SND1: variants seen among roughly 807,000 people sequenced by gnomAD.
SND1 encodes staphylococcal nuclease and tudor domain containing 1.
A neutral mutation model predicts 121.7 loss-of-function variants in SND1; 38 were observed. The observed-to-expected ratio is 0.31, with a 90% CI of 0.24 to 0.41. The LOEUF is 0.41. SND1 is among the 10% of genes least tolerant of loss of function. The pLI, the probability that SND1 is intolerant of heterozygous loss-of-function variation, is 1.00. For synonymous variants in SND1, 401 were observed against 447.4 expected, an observed-to-expected ratio of 0.90 and a Z score of 1.31; for missense variants, 868 against 1,184.6, an observed-to-expected ratio of 0.73 and a Z score of 3.92.
chr7:127,904,611 A>G (rs1050073393), intron 13 of SND1, 136 bp from the exon 14 acceptor site: 5 of 584,080 alleles, frequency 8.6e-6, no homozygotes, highest in African/African-American at 7.4e-5. Flanking sequence ...CTGGCTACTC[A>G]GCAGTGTACA....
chr7:127,885,278 G>A (rs936454341), intron 12 of SND1, among the ~76,000 whole-genome samples: 9 of 152,114 alleles, frequency 5.9e-5, no homozygotes, highest in Non-Finnish European at 1.0e-4. Flanking sequence ...CCACCAAGAA[G>A]AGAACACATG....
At chr7:127,983,410 T>A (rs1358427779) in intron 15 of SND1, among the ~76,000 whole-genome samples, 1 of 152,152 alleles carries the variant, frequency 6.6e-6, no homozygotes, top group African/African-American at 2.4e-5. Flanking sequence ...TAGTTTCCTA[T>A]CTGGAAAACT....
rs1449700930 is a variant in SND1 at position 128,052,930 on chromosome 7, A to C, written c.1780-21572A>C. On this transcript the variant is annotated intron_variant, in intron 16 of 23. Coordinates refer to ENST00000354725, the MANE Select transcript of SND1 (RefSeq NM_014390.4). The surrounding 1 kb of genome is among the most constrained non-coding windows in gnomAD (Gnocchi z 4.6). The stretch of plus-strand genomic sequence containing the variant: ...TGGTACCTACTGTATGGATAGTGCA[A>C]GTCTAGAACACACAAGAATTGGCAT... 1.3e-5 allele frequency among the ~76,000 whole-genome samples: 2 copies of C among 152,252 alleles called. No individual in the cohort carries two copies. Among genetic ancestry groups the C allele is most frequent in the Non-Finnish European group, 2.9e-5 (2 of 68,040 alleles).
At chr7:127,816,708 G>T (rs972172631) in intron 11 of SND1, among the ~76,000 whole-genome samples, 1 of 145,294 alleles carries the variant, frequency 6.9e-6, no homozygotes, top group African/African-American at 2.6e-5. Flanking sequence ...CTGTCACCCA[G>T]GCTGGAGTGC....
At chr7:127,924,333 C>G (rs549774080) in intron 14 of SND1, among the ~76,000 whole-genome samples, 1 of 152,246 alleles carries the variant, frequency 6.6e-6, no homozygotes, top group African/African-American at 2.4e-5. Context: ...AGAACTAATT[C>G]GTGATCTTCA....
Position 128,043,609 on chromosome 7 carries a change from A to G in SND1, c.1780-30893A>G, listed in dbSNP as rs561268347. On this transcript the variant is annotated intron_variant, in intron 16 of 23. Coordinates refer to ENST00000354725, the MANE Select transcript of SND1 (RefSeq NM_014390.4). The stretch of plus-strand genomic sequence containing the variant: ...TTTATATATATATATAAATTTATAT[A>G]TCTGAAATATATGAATGGTGGTGCT... 1.2e-3 allele frequency among the ~76,000 whole-genome samples: 188 copies of G among 150,878 alleles called. 1 individual carries two copies. Among genetic ancestry groups the G allele is most frequent in the Admixed American group, 0.012 (182 of 15,128 alleles).
chr7:128,064,057 G>A (rs1793274283), intron 16 of SND1, among the ~76,000 whole-genome samples: 1 of 151,938 alleles, frequency 6.6e-6, no homozygotes, highest in Non-Finnish European at 1.5e-5. Flanking sequence ...TTTTTTTTAA[G>A]TAACAACATT....
At chr7:127,988,850 C>G (rs995377352) in intron 15 of SND1, among the ~76,000 whole-genome samples, 1 of 152,238 alleles carries the variant, frequency 6.6e-6, no homozygotes, top group African/African-American at 2.4e-5. Context: ...CAAATGGCTG[C>G]TAAGAGTCAG....
intron 9 of SND1, among the ~76,000 whole-genome samples, chr7:127,714,884 C>G (rs555782742): frequency 1.3e-5 from 2 of 152,276 alleles, no homozygotes; most frequent in South Asian, 4.1e-4. Context: ...TGCTTACAAC[C>G]TGTTCATGTG....
chr7:127,712,271 G>T (rs1379230845), intron 9 of SND1, among the ~76,000 whole-genome samples: 1 of 152,062 alleles, frequency 6.6e-6, no homozygotes, highest in African/African-American at 2.4e-5. Flanking sequence ...CGATCCTCGT[G>T]CCTCAGCCTC....
At chr7:128,005,045 A>G (rs1382532355) in intron 16 of SND1, among the ~76,000 whole-genome samples, 1 of 152,270 alleles carries the variant, frequency 6.6e-6, no homozygotes, top group African/African-American at 2.4e-5. Context: ...TTAGTAAGGT[A>G]TAGCTAGAGA....
At chr7:128,086,237 T>G (rs1331768429) in intron 20 of SND1, among the ~76,000 whole-genome samples, 3 of 152,164 alleles carry the variant, frequency 2.0e-5, no homozygotes, top group Non-Finnish European at 4.4e-5. Flanking sequence ...GGAGAAAAAT[T>G]TCTCCGGCTG....
intron 13 of SND1, among the ~76,000 whole-genome samples, chr7:127,901,753 G>T (rs111933166): frequency 0.059 from 8,982 of 152,186 alleles, 776 homozygotes; most frequent in African/African-American, 0.19. Context: ...CTACTTTCTT[G>T]CTTCCTCTTG....
At chr7:127,802,132 A>C (rs1272775084) in intron 10 of SND1, among the ~76,000 whole-genome samples, 1 of 152,084 alleles carries the variant, frequency 6.6e-6, no homozygotes, top group African/African-American at 2.4e-5. Context: ...GGCGTGAACC[A>C]CCGCGCCCAG....
chr7:127,838,606 T>G (rs2116637142), intron 11 of SND1, among the ~76,000 whole-genome samples: 1 of 152,326 alleles, frequency 6.6e-6, no homozygotes. Flanking sequence ...ATGTTAAATA[T>G]CTAAATAAAT....
chr7:127,718,953 G>A (rs1202740081), intron 9 of SND1, among the ~76,000 whole-genome samples: 1 of 152,136 alleles, frequency 6.6e-6, no homozygotes. Context: ...ATCCTGTGAT[G>A]TATGTGCCTT....
At chr7:127,906,162 C>G (rs1247069942) in intron 14 of SND1, among the ~76,000 whole-genome samples, 1 of 152,156 alleles carries the variant, frequency 6.6e-6, no homozygotes, top group East Asian at 1.9e-4. Context: ...GTTAACTGGA[C>G]TTCAGTCTAC....
chr7:127,850,835 A>G (rs895598722), intron 12 of SND1, among the ~76,000 whole-genome samples: 14 of 152,230 alleles, frequency 9.2e-5, no homozygotes, highest in Admixed American at 7.9e-4. Context: ...AGTTAACAAT[A>G]CTTGAGAAAG....
intron 11 of SND1, among the ~76,000 whole-genome samples, chr7:127,827,042 A>T (rs917991065): frequency 6.6e-6 from 1 of 152,214 alleles, no homozygotes; most frequent in Non-Finnish European, 1.5e-5. Context: ...TTGATACTAT[A>T]CCTTTTACGT....
Sources: gnomAD v4.1 joint callset for allele counts (sites outside exome capture counted in the v4.1 genomes callset) on GRCh38, gnomAD v4.1.1 for gene constraint, Gnocchi (gnomAD v3.1) non-coding constraint, MANE v1.5 for transcripts, NCBI Gene and HGNC (gene_info 2026-07-23, HGNC 2026-07-21) for gene names.